The following HMGB1 variants were observed in gnomAD, a reference collection of about 807,000 sequenced individuals.
HMGB1 encodes high mobility group protein B1.
For synonymous variants in HMGB1, 81 were observed against 84.0 expected, an observed-to-expected ratio of 0.96 and a Z score of 0.19; for missense variants, 79 against 253.5, an observed-to-expected ratio of 0.31 and a Z score of 4.67.
At chr13:30,545,276 A>G (rs1869095640) in intron 1 of HMGB1, among the ~76,000 whole-genome samples, 1 of 152,036 alleles carries the variant, frequency 6.6e-6, no homozygotes, top group African/African-American at 2.4e-5. Context: ...TCTCAAAACA[A>G]AACGACAATA....
At chr13:30,467,419 G>A (rs1381095576), upstream of HMGB1, among the ~76,000 whole-genome samples, 1 of 152,048 alleles carries the variant, frequency 6.6e-6, no homozygotes, top group Non-Finnish European at 1.5e-5. Context: ...AATCTTTCCT[G>A]TTTTAATGTT....
At chr13:30,542,287 G>T in intron 1 of HMGB1, 1 of 176,712 alleles carries the variant, frequency 5.7e-6, no homozygotes, top group Non-Finnish European at 1.2e-5. Context: ...GTGAGGGCCT[G>T]CATCAGGCGA....
chr13:30,464,586 G>A (rs1886600896), intron 1 of HMGB1: 2 of 983,358 alleles, frequency 2.0e-6, no homozygotes, highest in Non-Finnish European at 2.4e-6. Context: ...GGCCCGCGCC[G>A]CCGCCGCCCC....
chr13:30,516,830 T>A lies in HMGB1; in HGVS notation c.-14-53136A>T, dbSNP rs150838602. Reference sequence around the variant, plus strand: ...TACTTGGAAGGCTAAGGTGAGAGGATCACTTGAGACTGGGAGATCGAGGCT... The same window carrying A: ...TACTTGGAAGGCTAAGGTGAGAGGAACACTTGAGACTGGGAGATCGAGGCT... On this transcript the variant is annotated intron_variant, in intron 1 of 4. Coordinates refer to the HMGB1 transcript ENST00000405805. Among the ~76,000 whole-genome samples, 319 of 152,194 alleles carry A rather than the reference T, an allele frequency of 2.1e-3. 1 individual carries two copies. Among genetic ancestry groups the A allele is most frequent in the African/African-American group, 7.3e-3 (305 of 41,510 alleles).
At chr13:30,463,841 C>A in intron 1 of HMGB1, 147 bp from the exon 2 acceptor site, 1 of 590,984 alleles carries the variant, frequency 1.7e-6, no homozygotes, top group Non-Finnish European at 2.8e-6. Context: ...AAGAATATGG[C>A]CGAGAGATTA....
chr13:30,591,910 A>G (rs950709169), intron 1 of HMGB1, among the ~76,000 whole-genome samples: 2 of 152,168 alleles, frequency 1.3e-5, no homozygotes, highest in African/African-American at 4.8e-5. Context: ...GCTTTACAAT[A>G]TTGTCCTACT....
chr13:30,615,017 C>A (rs1449305899), intron 1 of HMGB1, among the ~76,000 whole-genome samples: 3 of 151,886 alleles, frequency 2.0e-5, no homozygotes, highest in Non-Finnish European at 4.4e-5. Flanking sequence ...GCCGAGTTGT[C>A]ATGTTTTATC....
At position 30,489,757 on chromosome 13, in the gene HMGB1, C is replaced by T. The variant is rs550237645; in HGVS notation, c.-14-26063G>A. ...TCTTTTTTTTTTTTTTTTCCTGAGA[C>T]GGAGTCTCGCTCTGTCGCCCAGGCT... is the stretch of plus-strand genomic sequence containing the variant. On this transcript the variant is annotated intron_variant, in intron 1 of 4. Transcript: ENST00000405805. 4.3e-4 allele frequency among the ~76,000 whole-genome samples: 58 copies of T among 134,896 alleles called. 1 individual carries two copies. The highest frequency in any genetic ancestry group is 1.2e-3 in the African/African-American group (45 of 37,358). 88.5% of individuals were successfully genotyped at this position (134,896 alleles called of 152,430 possible).
chr13:30,577,334 A>G (rs9579609), intron 1 of HMGB1, among the ~76,000 whole-genome samples: 4,114 of 132,954 alleles, frequency 0.031, 204 homozygotes, highest in African/African-American at 0.12. Context: ...CATGAGACCC[A>G]GTCTCTTTAA....
chr13:30,573,676 G>T (rs1870527713), intron 1 of HMGB1, among the ~76,000 whole-genome samples: 1 of 149,454 alleles, frequency 6.7e-6, no homozygotes, highest in African/African-American at 2.5e-5. Context: ...TTGGAGAAAG[G>T]GTCTCACTGT....
At chr13:30,522,824 T>C (rs902607847) in intron 1 of HMGB1, among the ~76,000 whole-genome samples, 1 of 152,106 alleles carries the variant, frequency 6.6e-6, no homozygotes, top group Non-Finnish European at 1.5e-5. Context: ...CAAGCATTCT[T>C]CCCACCTCTG....
At chr13:30,609,171 G>A (rs1950489711) in intron 1 of HMGB1, among the ~76,000 whole-genome samples, 1 of 152,326 alleles carries the variant, frequency 6.6e-6, no homozygotes, top group Non-Finnish European at 1.5e-5. Flanking sequence ...GCTGAGGCAG[G>A]AGAATGGCGT....
intron 1 of HMGB1, among the ~76,000 whole-genome samples, chr13:30,543,695 A>C: frequency 6.6e-6 from 1 of 152,170 alleles, no homozygotes; most frequent in African/African-American, 2.4e-5. Flanking sequence ...CAACTAGGGC[A>C]GGGATGCTAA....
chr13:30,553,720 G>A (rs556965258), intron 1 of HMGB1: 26 of 1,148,818 alleles, frequency 2.3e-5, no homozygotes, highest in South Asian at 8.6e-5. Context: ...GCTCAGCATC[G>A]CTGGCAGCTG....
intron 1 of HMGB1, among the ~76,000 whole-genome samples, chr13:30,598,621 C>T (rs960689439): frequency 2.6e-5 from 4 of 152,090 alleles, no homozygotes; most frequent in African/African-American, 9.7e-5. Flanking sequence ...TGAGCTATAG[C>T]TGGCCTATAT....
intron 1 of HMGB1, among the ~76,000 whole-genome samples, chr13:30,588,719 C>A (rs538447419): frequency 4.6e-5 from 7 of 152,014 alleles, no homozygotes. Context: ...GAGTTTGAGA[C>A]CAGCCTGGCC....
At chr13:30,505,345 A>ATT (rs557119706) in intron 1 of HMGB1, among the ~76,000 whole-genome samples, 3 of 151,792 alleles carry the variant, frequency 2.0e-5, no homozygotes, top group Non-Finnish European at 2.9e-5. Context: ...GGCCTGGCTA[A>ATT]TTTTTTGTAT....
rs1566018691 is a variant in HMGB1 at position 30,538,482 on chromosome 13, C to CTTTCTTTCTTTCTTTCTTTCTTTCTTTA, written c.-14-74789_-14-74788insTAAAGAAAGAAAGAAAGAAAGAAAGAAA. Among the ~76,000 whole-genome samples, 44 of 33,568 alleles carry CTTTCTTTCTTTCTTTCTTTCTTTCTTTA rather than the reference C, an allele frequency of 1.3e-3. 2 individuals carry two copies. The highest frequency in any genetic ancestry group is 3.8e-3 in the African/African-American group (43 of 11,316). The allele number at this position is 33,568 out of a possible 152,430, so 22.0% of individuals were successfully genotyped here. Reference sequence around the variant, plus strand: ...TCTTTCTTTCTTTCTTTCTTTCTTTCTTTCTTTCTTTCTTTCTTTCTTTCT... The same window carrying CTTTCTTTCTTTCTTTCTTTCTTTCTTTA: ...TCTTTCTTTCTTTCTTTCTTTCTTTCTTTCTTTCTTTCTTTCTTTCTTTCTTTATTTCTTTCTTTCTTTCTTTCTTTCT... On this transcript the variant is annotated intron_variant, in intron 1 of 4. Transcript: ENST00000405805.
At chr13:30,595,663 C>T (rs1310371125) in intron 1 of HMGB1, among the ~76,000 whole-genome samples, 1 of 152,134 alleles carries the variant, frequency 6.6e-6, no homozygotes, top group Non-Finnish European at 1.5e-5. Context: ...TCGGCTGGGA[C>T]GGCCATCCTT....
Sources: gnomAD v4.1 joint callset for allele counts (sites outside exome capture counted in the v4.1 genomes callset) on GRCh38, gnomAD v4.1.1 for gene constraint, MANE v1.5 for transcripts, NCBI Gene and HGNC (gene_info 2026-07-23, HGNC 2026-07-21) for gene names.